RPRD2: variants seen among roughly 807,000 people sequenced by gnomAD.
The protein encoded by RPRD2 is regulation of nuclear pre-mRNA domain containing 2.
In RPRD2, 12 loss-of-function variants were observed where a neutral mutation model predicts 104.4. That is an observed-to-expected ratio of 0.11 (90% confidence interval 0.07 to 0.19). The LOEUF is 0.19. Ranked by LOEUF, RPRD2 falls within the 10% of genes least tolerant of loss-of-function variation. RPRD2 has a pLI of 1.00. For synonymous variants in RPRD2, 714 were observed against 684.9 expected, an observed-to-expected ratio of 1.04 and a Z score of -0.66; for missense variants, 1,543 against 1,790.1, an observed-to-expected ratio of 0.86 and a Z score of 2.49.
chr1:150,446,580 G>T (rs782347179), intron 7 of RPRD2, among the ~76,000 whole-genome samples, 179 bp downstream of exon 7: 1 of 152,172 alleles, frequency 6.6e-6, no homozygotes, highest in African/African-American at 2.4e-5. Context: ...GGGAGGCTGA[G>T]GCAGGAGGAT....
At position 150,473,190 on chromosome 1, in the gene RPRD2, A is replaced by C; in HGVS notation, c.4242A>C (p.Leu1414Phe). 1 of 1,613,926 alleles carries C rather than the reference A, an allele frequency of 6.2e-7. No individual in the cohort carries two copies. Among genetic ancestry groups the C allele is most frequent in the Non-Finnish European group, 8.5e-7 (1 of 1,179,856 alleles). ...CCATCAGCCGGAGTGGTATAATCTTACGGAGTCCCCGGCCAGACTTTCGGC... is the reference window on the plus strand; with the variant it reads ...CCATCAGCCGGAGTGGTATAATCTTCCGGAGTCCCCGGCCAGACTTTCGGC... ...RDTISRSGIILRSPRPDFRPR... is the reference protein window; with the variant it reads ...RDTISRSGIIFRSPRPDFRPR... Residue 1414 changes from leucine (L) to phenylalanine (F), a missense_variant, in exon 11 of 11, where the codon TTA becomes TTC. By Grantham distance (22) the Leu-to-Phe change is conservative (BLOSUM62 0). Transcript: ENST00000369068.
chr1:150,420,718 C>T (rs1664704660), intron 2 of RPRD2, among the ~76,000 whole-genome samples: 1 of 152,058 alleles, frequency 6.6e-6, no homozygotes, highest in Non-Finnish European at 1.5e-5. Context: ...CCCAGCTACT[C>T]GGGAGGCTGA....
chr1:150,438,049 C>T (rs1337709921), intron 2 of RPRD2, among the ~76,000 whole-genome samples: 5 of 149,674 alleles, frequency 3.3e-5, no homozygotes, highest in African/African-American at 7.4e-5. Context: ...TTTGGGAGGC[C>T]GAGGCAGGCA....
At chr1:150,418,246 C>G (rs587639455) in intron 2 of RPRD2, among the ~76,000 whole-genome samples, 19 of 152,220 alleles carry the variant, frequency 1.2e-4, no homozygotes, top group Non-Finnish European at 2.1e-4. Flanking sequence ...GGATTACAGG[C>G]GTGAGCCACT....
intron 1 of RPRD2, among the ~76,000 whole-genome samples, chr1:150,365,291 C>T (rs1275110896): frequency 6.6e-6 from 1 of 152,180 alleles, no homozygotes; most frequent in Non-Finnish European, 1.5e-5. Flanking sequence ...TTAATGATTT[C>T]TGGCTTTCCT....
chr1:150,367,192 T>G (rs1205167222), intron 1 of RPRD2, among the ~76,000 whole-genome samples: 5 of 152,198 alleles, frequency 3.3e-5, no homozygotes, highest in African/African-American at 1.2e-4. Context: ...AAGGGTAATT[T>G]TAGTCGTTTT....
chr1:150,409,588 A>G (rs976285650), intron 1 of RPRD2, among the ~76,000 whole-genome samples: 1 of 149,244 alleles, frequency 6.7e-6, no homozygotes, highest in African/African-American at 2.5e-5. Flanking sequence ...ATTATGTGTT[A>G]TTTGGGAGAA....
At chr1:150,365,053 G>A (rs1191596016) in intron 1 of RPRD2, 134 bp downstream of exon 1, 3 of 814,600 alleles carry the variant, frequency 3.7e-6, no homozygotes, top group Non-Finnish European at 5.7e-6. Flanking sequence ...GACCCCAGTG[G>A]TCCCAAACCC....
At chr1:150,396,153 G>A (rs1261043940) in intron 1 of RPRD2, among the ~76,000 whole-genome samples, 2 of 148,490 alleles carry the variant, frequency 1.3e-5, no homozygotes, top group African/African-American at 2.5e-5. Flanking sequence ...TTTGAAAATC[G>A]TGTATTCATG....
chr1:150,371,127 C>T (rs1660267516), intron 1 of RPRD2, among the ~76,000 whole-genome samples: 1 of 152,126 alleles, frequency 6.6e-6, no homozygotes, highest in South Asian at 2.1e-4. Flanking sequence ...AGAGAATTTA[C>T]AAAGTACGGT....
intron 10 of RPRD2, among the ~76,000 whole-genome samples, chr1:150,466,101 G>A (rs1185043040): frequency 4.8e-5 from 7 of 145,094 alleles, no homozygotes; most frequent in South Asian, 2.2e-4. Context: ...AATTAGCGCC[G>A]GGCGCGGTGG....
chr1:150,416,330 C>T (rs1469292834), intron 1 of RPRD2, among the ~76,000 whole-genome samples: 1 of 151,736 alleles, frequency 6.6e-6, no homozygotes, highest in African/African-American at 2.4e-5. Context: ...AAGCTGAGAT[C>T]TTGATGAAAT....
Position 150,471,640 on chromosome 1 carries a change from G to A in RPRD2, c.2692G>A (p.Asp898Asn). Reference sequence around the variant, plus strand: ...CCCTCCATCTGTAAGGGCCCTCCTGGACTCTAGTGAGAACTGTGACCGTCT... The same window carrying A: ...CCCTCCATCTGTAAGGGCCCTCCTGAACTCTAGTGAGAACTGTGACCGTCT... Reference protein sequence around the residue: ...AFPPSVRALLDSSENCDRLSS... With the variant: ...AFPPSVRALLNSSENCDRLSS... The change falls in exon 11 of 11, where the codon GAC becomes AAC. Residue 898 changes from aspartate (D) to asparagine (N), a missense_variant. By Grantham distance (23) the Asp-to-Asn change is conservative. Around this residue, in one of 4 missense-constraint regions of RPRD2, gnomAD observed 880 missense variants for 885.6 expected, o/e 0.99. Transcript: ENST00000369068. The surrounding 1 kb of genome is among the most constrained non-coding windows in gnomAD (Gnocchi z 5.3). 2 of 1,613,810 alleles carry A rather than the reference G, an allele frequency of 1.2e-6. No homozygotes were observed. The highest frequency in any genetic ancestry group is 1.7e-6 in the Non-Finnish European group (2 of 1,179,862).
At chr1:150,416,802 G>T (rs1391353734) in intron 1 of RPRD2, among the ~76,000 whole-genome samples, 2 of 150,232 alleles carry the variant, frequency 1.3e-5, no homozygotes, top group African/African-American at 4.9e-5. Context: ...AGCCCAGGAG[G>T]CGGAGGTTGC....
At position 150,440,962 on chromosome 1, in the gene RPRD2, A is replaced by G. The variant is rs1666371159; in HGVS notation, c.375A>G (p.Lys125=). Reference sequence around the variant, plus strand: ...CTAAGTCTGTAGAACGAATCTTTAAAATCTGGGAAGATAGAAATGTATACC... The same window carrying G: ...CTAAGTCTGTAGAACGAATCTTTAAGATCTGGGAAGATAGAAATGTATACC... The part of the protein sequence containing the change: ...SVSKSVERIF[K]IWEDRNVYPE... Residue 125 remains lysine, a synonymous_variant, in exon 3 of 11, where the codon AAA becomes AAG. Coordinates refer to ENST00000369068, the MANE Select transcript of RPRD2 (RefSeq NM_015203.5). 6.3e-7 allele frequency: 1 copy of G among 1,583,792 alleles called. No homozygotes were observed. The highest frequency in any genetic ancestry group is 8.6e-7 in the Non-Finnish European group (1 of 1,162,858).
At chr1:150,411,788 CAAAAAAAAAAAAA>C (rs71086508) in intron 1 of RPRD2, among the ~76,000 whole-genome samples, 7 of 70,726 alleles carry the variant, frequency 9.9e-5, no homozygotes, top group South Asian at 8.3e-4. Flanking sequence ...TAGACTGTCT[CAAAAAAAAAAAAA>C]AAAAAAAAAA....
chr1:150,439,554 A>G (rs1168765915), intron 2 of RPRD2, among the ~76,000 whole-genome samples: 2 of 151,976 alleles, frequency 1.3e-5, no homozygotes, highest in African/African-American at 4.8e-5. Context: ...GCAAGAAAAA[A>G]ATTCTTTGTG....
chr1:150,431,478 T>TTTTTTTC (rs1161081493), intron 2 of RPRD2, among the ~76,000 whole-genome samples: 1 of 138,372 alleles, frequency 7.2e-6, no homozygotes, highest in Non-Finnish European at 1.6e-5. Flanking sequence ...GAAGGATTTT[T>TTTTTTTC]TTTTTTTTTT....
chr1:150,446,412 A>G lies in RPRD2; in HGVS notation c.870+11A>G, dbSNP rs1553895513. The G allele has an allele frequency of 6.3e-7, 1 of 1,576,794 alleles. No individual in the cohort carries two copies. Among genetic ancestry groups the G allele is most frequent in the Non-Finnish European group, 8.6e-7 (1 of 1,164,108 alleles). On this transcript the variant is annotated intron_variant, in intron 7 of 10. Coordinates refer to ENST00000369068, the MANE Select transcript of RPRD2 (RefSeq NM_015203.5). ...AAAGTGGTGGCTAATGTAAGTAATA[A>G]TTAAAGCTGTCTTATACTGAATGCT...
Sources: gnomAD v4.1 joint callset for allele counts (sites outside exome capture counted in the v4.1 genomes callset) on GRCh38, gnomAD v4.1.1 for gene constraint, gnomAD v4.1.1 regional missense constraint, Gnocchi (gnomAD v3.1) non-coding constraint, MANE v1.5 for transcripts, NCBI Gene and HGNC (gene_info 2026-07-23, HGNC 2026-07-21) for gene names.